The following DENND5B variants were observed in gnomAD, a reference collection of about 807,000 sequenced individuals.
DENND5B encodes the protein DENN domain containing 5B.
DENND5B carries 34 observed loss-of-function variants against 140.6 expected under a neutral mutation model. That is an observed-to-expected ratio of 0.24 (90% CI 0.18 to 0.32). The LOEUF (loss-of-function observed/expected upper bound fraction) is 0.32. Ranked by LOEUF, DENND5B falls within the 10% of genes least tolerant of loss-of-function variation. The pLI is 1.00. For missense variants in DENND5B, 1,142 were observed against 1,560.2 expected (o/e 0.73, Z 4.52); for synonymous variants, 551 against 562.1 (o/e 0.98, Z 0.28).
At position 31,411,040 on chromosome 12, in the gene DENND5B, C is replaced by CTT. The variant is rs59646978; in HGVS notation, c.2682-1658_2682-1657dup. 4.0e-3 allele frequency among the ~76,000 whole-genome samples: 556 copies of CTT among 140,226 alleles called. 5 individuals carry two copies. The highest frequency in any genetic ancestry group is 0.013 in the African/African-American group (499 of 38,198). The allele number at this position is 140,226 out of a possible 152,430, so 92.0% of individuals were successfully genotyped here. A position where few individuals can be genotyped will look rare whatever the true frequency, so the allele number is the denominator to read the frequency against. Reference sequence around the variant, plus strand: ...CTTTGGCCACTATGAGCATAAATCACTTTTTTTTTTTTTTTTTGAGACAGT... The same window carrying CTT: ...CTTTGGCCACTATGAGCATAAATCACTTTTTTTTTTTTTTTTTTTGAGACAGT... On this transcript the variant is annotated intron_variant, in intron 13 of 20. Coordinates refer to ENST00000389082, the MANE Select transcript of DENND5B (RefSeq NM_144973.4).
chr12:31,565,921 T>G (rs907486624), intron 1 of DENND5B, among the ~76,000 whole-genome samples: 9 of 151,652 alleles, frequency 5.9e-5, no homozygotes, highest in Non-Finnish European at 1.2e-4. Context: ...GCAGGTGGAT[T>G]GCTTGAACCC....
intron 1 of DENND5B, among the ~76,000 whole-genome samples, chr12:31,548,272 A>G (rs1391175707): frequency 6.6e-6 from 1 of 151,848 alleles, no homozygotes; most frequent in African/African-American, 2.4e-5. Flanking sequence ...GCATATACCT[A>G]TAGCCCCAGC....
chr12:31,487,022 A>C (rs1946334575), intron 2 of DENND5B, among the ~76,000 whole-genome samples: 1 of 152,240 alleles, frequency 6.6e-6, no homozygotes, highest in African/African-American at 2.4e-5. Context: ...CTGCAATGGA[A>C]TAATATACCA....
At chr12:31,479,327 T>A (rs190931860) in intron 3 of DENND5B, among the ~76,000 whole-genome samples, 246 of 152,318 alleles carry the variant, frequency 1.6e-3, no homozygotes, top group Admixed American at 3.0e-3. Flanking sequence ...AAAGGGCTAT[T>A]TCCATTAATA....
At chr12:31,425,919 C>A (rs1401478516) in intron 9 of DENND5B, among the ~76,000 whole-genome samples, 1 of 152,140 alleles carries the variant, frequency 6.6e-6, no homozygotes, top group Admixed American at 6.5e-5. Context: ...GGACAAAAAC[C>A]ATGTACAGGC....
At chr12:31,483,496 A>T (rs1383769533) in intron 2 of DENND5B, among the ~76,000 whole-genome samples, 1 of 149,886 alleles carries the variant, frequency 6.7e-6, no homozygotes, top group Non-Finnish European at 1.5e-5. Flanking sequence ...GCTGGAGTGC[A>T]GTGGCGCGAT....
rs7314342 is a variant in DENND5B at position 31,574,959 on chromosome 12, T to C, written c.127+15747A>G. On this transcript the variant is annotated intron_variant, in intron 1 of 20. Transcript: ENST00000389082. ...CACATAGTCACCTCAAGGGTACCAA[T>C]GCCTGTGTTTTAACTGTGAAATCAC... Among the ~76,000 whole-genome samples the C allele has an allele frequency of 8.0e-3, 1,219 of 152,340 alleles. 9 individuals are homozygous for C. Among genetic ancestry groups the C allele is most frequent in the Middle Eastern group, 0.014 (4 of 294 alleles).
chr12:31,439,638 G>GA (rs34791156), intron 7 of DENND5B, among the ~76,000 whole-genome samples: 58,092 of 151,412 alleles, frequency 0.38, 11,997 homozygotes, highest in East Asian at 0.57. Context: ...CCATCAAAAG[G>GA]AAAAAAAAGC....
At chr12:31,441,860 T>C (rs910037702) in intron 7 of DENND5B, among the ~76,000 whole-genome samples, 2 of 151,712 alleles carry the variant, frequency 1.3e-5, no homozygotes, top group Non-Finnish European at 2.9e-5. Context: ...TTTCTATCTT[T>C]TTTGTAGAGA....
At chr12:31,558,440 G>C (rs1362945376) in intron 1 of DENND5B, among the ~76,000 whole-genome samples, 1 of 152,188 alleles carries the variant, frequency 6.6e-6, no homozygotes, top group Admixed American at 6.6e-5. Context: ...ACAGAAACAT[G>C]TAGACCTCCA....
intron 1 of DENND5B, among the ~76,000 whole-genome samples, chr12:31,581,642 G>A (rs1317655412): frequency 5.6e-5 from 8 of 143,700 alleles, no homozygotes; most frequent in South Asian, 4.4e-4. Flanking sequence ...GCGGTGAGCC[G>A]AGATCACACC....
At chr12:31,571,435 G>C (rs1158232549) in intron 1 of DENND5B, among the ~76,000 whole-genome samples, 1 of 151,882 alleles carries the variant, frequency 6.6e-6, no homozygotes, top group African/African-American at 2.4e-5. Flanking sequence ...GAGATTCAAA[G>C]CTACTCTTTC....
rs772947753 is a variant in DENND5B at position 31,447,782 on chromosome 12, A to AATTAGGAAATTATTAGTGC, written c.1630-32_1630-14dup. ...ACAGAAAGGAAGCCTGTAATGAGAT[A>AATTAGGAAATTATTAGTGC]ATTAGGAAATTATTAGTGCAAAGAG... On this transcript the variant is annotated splice_polypyrimidine_tract_variant and intron_variant, in intron 5 of 20. Transcript: ENST00000389082. The AATTAGGAAATTATTAGTGC allele has an allele frequency of 1.3e-6, 2 of 1,545,570 alleles. No individual in the cohort carries two copies. The highest frequency in any genetic ancestry group is 2.4e-5 in the South Asian group (2 of 84,718).
At chr12:31,554,718 T>C (rs1161760009) in intron 1 of DENND5B, among the ~76,000 whole-genome samples, 1 of 152,240 alleles carries the variant, frequency 6.6e-6, no homozygotes, top group Non-Finnish European at 1.5e-5. Context: ...ATTTGGTCTT[T>C]TCACATAGTC....
chr12:31,588,425 A>G (rs941382848), intron 1 of DENND5B, among the ~76,000 whole-genome samples: 4 of 152,250 alleles, frequency 2.6e-5, no homozygotes, highest in Non-Finnish European at 5.9e-5. Flanking sequence ...CTCCGCATCC[A>G]CAGATTCAAC....
intron 1 of DENND5B, among the ~76,000 whole-genome samples, chr12:31,582,243 G>A (rs1950231015): frequency 6.6e-6 from 1 of 152,094 alleles, no homozygotes; most frequent in African/African-American, 2.4e-5. Context: ...AGGCCCCAAG[G>A]GTGGTAGTTA....
At chr12:31,447,820 C>A in intron 5 of DENND5B, 51 bp from the exon 6 acceptor site, 4 of 1,265,148 alleles carry the variant, frequency 3.2e-6, no homozygotes, top group Non-Finnish European at 3.3e-6. Flanking sequence ...CATCTCAACA[C>A]TACATGATAA....
At chr12:31,575,751 C>T (rs764699938) in intron 1 of DENND5B, among the ~76,000 whole-genome samples, 24 of 151,862 alleles carry the variant, frequency 1.6e-4, no homozygotes, top group Non-Finnish European at 2.6e-4. Flanking sequence ...TCCAGGAGTT[C>T]GAGACAGCCT....
intron 7 of DENND5B, among the ~76,000 whole-genome samples, chr12:31,439,603 AAATG>A (rs1222083966): frequency 2.0e-5 from 3 of 151,292 alleles, no homozygotes; most frequent in Non-Finnish European, 4.4e-5. Flanking sequence ...AATATTTGCC[AAATG>A]AATGAATGAA....
Sources: allele counts gnomAD v4.1 joint callset (sites outside exome capture counted in the v4.1 genomes callset), GRCh38; gene constraint gnomAD v4.1.1; transcripts MANE v1.5; gene names NCBI Gene and HGNC (gene_info 2026-07-23, HGNC 2026-07-21).